The following ZNRF3 variants were observed in gnomAD, a reference collection of about 807,000 sequenced individuals.
ZNRF3 encodes E3 ubiquitin-protein ligase ZNRF3.
A neutral mutation model predicts 72.5 loss-of-function variants in ZNRF3; 23 were observed. The observed-to-expected ratio is 0.32, with a 90% CI of 0.23 to 0.45. The LOEUF (loss-of-function observed/expected upper bound fraction) is 0.45, where lower values mean the gene tolerates loss of function less well. ZNRF3 is among the 20% of genes least tolerant of loss of function. ZNRF3 has a pLI of 1.00. For synonymous variants in ZNRF3, 610 were observed against 545.3 expected (o/e 1.12, Z -1.65); for missense variants, 1,169 against 1,272.1 (o/e 0.92, Z 1.23).
At chr22:28,930,783 A>G (rs527686220) in intron 1 of ZNRF3, among the ~76,000 whole-genome samples, 1 of 152,248 alleles carries the variant, frequency 6.6e-6, no homozygotes, top group Non-Finnish European at 1.5e-5. Flanking sequence ...TGAGCCTCAC[A>G]GTAAGAGATT....
rs200228853 is a variant in ZNRF3, at chr22:28,987,256, C to T, written c.426+55C>T. 2.6e-3 allele frequency: 4,101 copies of T among 1,571,292 alleles called. 36 individuals are homozygous for T. In the Middle Eastern group the frequency reaches 0.036, roughly 14 times the overall value. On this transcript the variant is annotated intron_variant, in intron 2 of 8. Coordinates refer to ENST00000544604, the MANE Select transcript of ZNRF3 (RefSeq NM_001206998.2). ...TTTCTGGTTGGTGTTTTCCACTCTT[C>T]CATTTCAGCATTCCTCAAATAGTTG...
intron 2 of ZNRF3, among the ~76,000 whole-genome samples, chr22:29,022,132 G>A (rs940736949): frequency 2.6e-5 from 4 of 152,180 alleles, no homozygotes; most frequent in African/African-American, 9.7e-5. Context: ...CCTCTTTGAC[G>A]CAGCATAATT....
At chr22:28,904,349 A>C (rs890810537) in intron 1 of ZNRF3, among the ~76,000 whole-genome samples, 1 of 152,254 alleles carries the variant, frequency 6.6e-6, no homozygotes. Flanking sequence ...AACTCTAATT[A>C]GCTCATTCCT....
intron 2 of ZNRF3, among the ~76,000 whole-genome samples, chr22:29,041,682 A>G (rs1038829717): frequency 6.6e-6 from 1 of 152,120 alleles, no homozygotes; most frequent in Non-Finnish European, 1.5e-5. Context: ...CAAACTTCCC[A>G]AGTGGCTTTT....
intron 2 of ZNRF3, among the ~76,000 whole-genome samples, chr22:29,032,861 G>A (rs2036788372): frequency 6.6e-6 from 1 of 152,232 alleles, no homozygotes; most frequent in South Asian, 2.1e-4. Context: ...ACAGTGTGAT[G>A]TCATAAGTGC....
chr22:29,029,092 C>T (rs945461371), intron 2 of ZNRF3, among the ~76,000 whole-genome samples: 4 of 152,212 alleles, frequency 2.6e-5, no homozygotes, highest in Admixed American at 1.3e-4. Context: ...GTTCACCTGC[C>T]TGTGTACAAC....
At chr22:29,004,980 C>T (rs2036216292) in intron 2 of ZNRF3, among the ~76,000 whole-genome samples, 1 of 152,250 alleles carries the variant, frequency 6.6e-6, no homozygotes, top group African/African-American at 2.4e-5. Flanking sequence ...TCCTGCCAGC[C>T]AGGGACTGCC....
At chr22:29,029,397 A>G (rs990066567) in intron 2 of ZNRF3, among the ~76,000 whole-genome samples, 1 of 152,220 alleles carries the variant, frequency 6.6e-6, no homozygotes, top group Non-Finnish European at 1.5e-5. Flanking sequence ...CAATGAGTTT[A>G]CCACCTGATT....
chr22:29,037,144 G>A (rs2036882038), intron 2 of ZNRF3, among the ~76,000 whole-genome samples: 1 of 152,220 alleles, frequency 6.6e-6, no homozygotes, highest in African/African-American at 2.4e-5. Context: ...CCACATCCAA[G>A]AGCTTGACAG....
intron 2 of ZNRF3, among the ~76,000 whole-genome samples, chr22:28,991,291 AAAAAAAAAAAAAAAAAAAAAG>A (rs1394879009): frequency 7.3e-4 from 105 of 142,990 alleles, no homozygotes; most frequent in Middle Eastern, 3.5e-3. Flanking sequence ...AAAAAAAAAA[AAAAAAAAAAAAAAAAAAAAAG>A]AAGAACAGTA....
At chr22:28,906,680 C>A (rs2034213923) in intron 1 of ZNRF3, among the ~76,000 whole-genome samples, 1 of 152,232 alleles carries the variant, frequency 6.6e-6, no homozygotes, top group Non-Finnish European at 1.5e-5. Flanking sequence ...CATAGTCCTG[C>A]AAGAAAGCAT....
At chr22:28,963,643 A>C (rs911107501) in intron 1 of ZNRF3, among the ~76,000 whole-genome samples, 3 of 152,188 alleles carry the variant, frequency 2.0e-5, no homozygotes, top group African/African-American at 4.8e-5. Flanking sequence ...AGGATTAATG[A>C]CATAATGTCT....
At chr22:28,918,937 C>T (rs2034462719) in intron 1 of ZNRF3, among the ~76,000 whole-genome samples, 1 of 152,154 alleles carries the variant, frequency 6.6e-6, no homozygotes, top group Non-Finnish European at 1.5e-5. Context: ...TTGGGGGCAC[C>T]TTGAGAAAGT....
At chr22:29,046,347 T>C (rs1234935341) in intron 5 of ZNRF3, among the ~76,000 whole-genome samples, 6 of 152,194 alleles carry the variant, frequency 3.9e-5, no homozygotes, top group Non-Finnish European at 7.3e-5. Context: ...ACACATTGTC[T>C]ATTTACTGTC....
At chr22:28,888,284 G>A (rs963385027) in intron 1 of ZNRF3, among the ~76,000 whole-genome samples, 3 of 152,190 alleles carry the variant, frequency 2.0e-5, no homozygotes, top group Non-Finnish European at 4.4e-5. Flanking sequence ...CTGTCAGTGT[G>A]CTTCTGCAGT....
intron 1 of ZNRF3, among the ~76,000 whole-genome samples, chr22:28,967,342 G>T (rs1284875193): frequency 6.6e-6 from 1 of 152,164 alleles, no homozygotes; most frequent in Non-Finnish European, 1.5e-5. Flanking sequence ...CAGCCTAGGT[G>T]TGTAGTACGC....
chr22:29,012,824 G>T (rs1301151619), intron 2 of ZNRF3, among the ~76,000 whole-genome samples: 1 of 152,164 alleles, frequency 6.6e-6, no homozygotes, highest in African/African-American at 2.4e-5. Context: ...TGTCCAGATA[G>T]AATCATCTTT....
intron 1 of ZNRF3, among the ~76,000 whole-genome samples, chr22:28,900,326 C>T (rs979091391): frequency 6.6e-6 from 1 of 152,204 alleles, no homozygotes; most frequent in African/African-American, 2.4e-5. Context: ...GTGCCCTGCT[C>T]ACGAGCTTCG....
intron 1 of ZNRF3, among the ~76,000 whole-genome samples, chr22:28,930,497 C>T (rs889645381): frequency 6.6e-6 from 1 of 152,204 alleles, no homozygotes; most frequent in African/African-American, 2.4e-5. Context: ...TGGGTTCAAG[C>T]CCCGGTTCTG....
Sources: allele counts gnomAD v4.1 joint callset (sites outside exome capture counted in the v4.1 genomes callset), GRCh38; gene constraint gnomAD v4.1.1; transcripts MANE v1.5; gene names NCBI Gene and HGNC (gene_info 2026-07-23, HGNC 2026-07-21).